DSCC1: variants seen among roughly 807,000 people sequenced by gnomAD.
The protein encoded by DSCC1 is DNA replication and sister chromatid cohesion 1, also known as sister chromatid cohesion protein DCC1.
Under a neutral mutation model 48.2 loss-of-function variants are expected in DSCC1, and 32 were observed. That is an observed-to-expected ratio of 0.66 (90% CI 0.50 to 0.89). The LOEUF is 0.89. Ranked by LOEUF, DSCC1 falls within the 40% of genes least tolerant of loss-of-function variation. The probability of loss-of-function intolerance (pLI) is 0.00; values close to 1 mark genes in which losing one functional copy is unlikely to be tolerated. For synonymous variants in DSCC1, 150 were observed against 171.5 expected (o/e 0.87, Z 0.98); for missense variants, 421 against 471.7 (o/e 0.89, Z 1.00).
At chr8:119,849,369 G>A (rs1328544573) in intron 3 of DSCC1, among the ~76,000 whole-genome samples, 2 of 152,106 alleles carry the variant, frequency 1.3e-5, no homozygotes, top group Non-Finnish European at 2.9e-5. Flanking sequence ...CTGCGCCACT[G>A]CACTCCAGCC....
At position 119,848,726 on chromosome 8, in the gene DSCC1, T is replaced by C. The variant is rs933664931; in HGVS notation, c.487-1646A>G. Among the ~76,000 whole-genome samples, 33 of 152,216 alleles carry C rather than the reference T, an allele frequency of 2.2e-4. 1 individual carries two copies. Among genetic ancestry groups the C allele is most frequent in the African/African-American group, 7.2e-4 (30 of 41,456 alleles). ...AAGTAGAAGTTACCCAAATGTCTAT[T>C]AGCTGACAAATGAATGCATAAAATA... On this transcript the variant is annotated intron_variant, in intron 3 of 8. Transcript: ENST00000313655.
chr8:119,844,843 A>G (rs71532474), intron 4 of DSCC1, among the ~76,000 whole-genome samples: 6,517 of 152,226 alleles, frequency 0.043, 201 homozygotes, highest in Admixed American at 0.059. Flanking sequence ...TCACAGGTTC[A>G]ATATTCATGA....
At chr8:119,839,251 A>G (rs572363456) in intron 7 of DSCC1, 27 of 152,328 alleles carry the variant, frequency 1.8e-4, no homozygotes, top group African/African-American at 6.0e-4. Context: ...TATAATACTT[A>G]TATCTTCAGC....
intron 3 of DSCC1, among the ~76,000 whole-genome samples, chr8:119,849,168 G>C (rs1239853862): frequency 1.0e-5 from 1 of 99,940 alleles, no homozygotes; most frequent in Non-Finnish European, 1.9e-5. Context: ...CTGGGCGACA[G>C]AGCGAGACTC....
intron 1 of DSCC1, 93 bp downstream of exon 1, chr8:119,855,521 T>A (rs911371467): frequency 1.4e-6 from 2 of 1,449,094 alleles, no homozygotes; most frequent in Non-Finnish European, 9.1e-7. Context: ...GGTCAGTGCA[T>A]CTCTCTGGCC....
At chr8:119,838,168 GA>G in intron 8 of DSCC1, 90 bp downstream of exon 8, 1 of 1,394,582 alleles carries the variant, frequency 7.2e-7, no homozygotes. Context: ...GAATACTCAA[GA>G]AAATTGTGTT....
chr8:119,838,647 G>A (rs913802282), intron 7 of DSCC1: 6 of 339,194 alleles, frequency 1.8e-5, no homozygotes, highest in African/African-American at 1.3e-4. Flanking sequence ...GACAGCTTTG[G>A]TTCTAAAGGT....
At chr8:119,853,257 C>T in intron 1 of DSCC1, 42 bp from the exon 2 acceptor site, 1 of 1,554,498 alleles carries the variant, frequency 6.4e-7, no homozygotes, top group African/African-American at 1.4e-5. Context: ...TATTGACAAT[C>T]CAGTAGCCAT....
intron 4 of DSCC1, among the ~76,000 whole-genome samples, chr8:119,846,146 C>A (rs904862355): frequency 8.4e-6 from 1 of 119,464 alleles, no homozygotes; most frequent in Admixed American, 9.2e-5. Context: ...CGGAGTTTTG[C>A]TCTTTCGCCC....
At chr8:119,853,989 C>G (rs78458916) in intron 1 of DSCC1, among the ~76,000 whole-genome samples, 4 of 152,120 alleles carry the variant, frequency 2.6e-5, no homozygotes, top group Non-Finnish European at 5.9e-5. Context: ...GCCAGAAGAT[C>G]GCTCGAGAGC....
chr8:119,851,346 A>T (rs1208800027), intron 2 of DSCC1, among the ~76,000 whole-genome samples: 1 of 152,244 alleles, frequency 6.6e-6, no homozygotes, highest in Non-Finnish European at 1.5e-5. Flanking sequence ...AAGGCTTCCC[A>T]AAGAAGAGCT....
rs144062736 is a variant in DSCC1 at position 119,836,044 on chromosome 8, G to A, written c.1074-1043C>T. 9.1e-3 allele frequency among the ~76,000 whole-genome samples: 1,384 copies of A among 152,300 alleles called. 21 individuals are homozygous for A. Among genetic ancestry groups the A allele is most frequent in the African/African-American group, 0.032 (1,318 of 41,558 alleles). On this transcript the variant is annotated intron_variant, in intron 8 of 8. Transcript: ENST00000313655. ...AATAATGGAGGTGGCCGGGCGCGGC[G>A]GCTCATGCCTGTAATCCCAGCACTT...
intron 3 of DSCC1, among the ~76,000 whole-genome samples, chr8:119,849,591 G>GA (rs1426381983): frequency 6.6e-6 from 1 of 152,222 alleles, no homozygotes; most frequent in African/African-American, 2.4e-5. Context: ...GGGGAAAGGG[G>GA]AGAGAAGAAA....
intron 3 of DSCC1, among the ~76,000 whole-genome samples, chr8:119,848,779 T>C (rs1328399570): frequency 6.6e-6 from 1 of 152,218 alleles, no homozygotes; most frequent in Non-Finnish European, 1.5e-5. Context: ...TGAGATACTA[T>C]TCAGCAACAA....
At chr8:119,848,420 G>T (rs1826892987) in intron 3 of DSCC1, among the ~76,000 whole-genome samples, 1 of 152,152 alleles carries the variant, frequency 6.6e-6, no homozygotes, top group Admixed American at 6.5e-5. Context: ...TTACAACTCA[G>T]TAATAAAAAG....
chr8:119,838,078 C>A (rs756928553), intron 8 of DSCC1, among the ~76,000 whole-genome samples, 181 bp downstream of exon 8: 1 of 152,116 alleles, frequency 6.6e-6, no homozygotes, highest in Non-Finnish European at 1.5e-5. Flanking sequence ...AACACATATT[C>A]CACCTCCAGA....
chr8:119,842,182 T>G (rs1477276120), intron 6 of DSCC1, among the ~76,000 whole-genome samples: 2 of 151,928 alleles, frequency 1.3e-5, no homozygotes, highest in Non-Finnish European at 2.9e-5. Flanking sequence ...CAAGTGATTC[T>G]CCTGTCCCAG....
intron 4 of DSCC1, 32 bp downstream of exon 4, chr8:119,846,958 A>G: frequency 6.3e-7 from 1 of 1,597,466 alleles, no homozygotes; most frequent in Non-Finnish European, 8.6e-7. Flanking sequence ...GCCCAATTTC[A>G]TCATTGTTAA....
intron 2 of DSCC1, among the ~76,000 whole-genome samples, chr8:119,852,583 G>A (rs1036516075): frequency 2.0e-5 from 3 of 152,114 alleles, no homozygotes; most frequent in African/African-American, 7.2e-5. Context: ...TCAAACTCCT[G>A]AGGTCCGACA....
Sources: allele counts gnomAD v4.1 joint callset (sites outside exome capture counted in the v4.1 genomes callset), GRCh38; gene constraint gnomAD v4.1.1; transcripts MANE v1.5; gene names NCBI Gene and HGNC (gene_info 2026-07-23, HGNC 2026-07-21).